Variants in VPS37B observed in about 807,000 individuals in gnomAD.
The protein encoded by VPS37B is VPS37B subunit of ESCRT-I.
Under a neutral mutation model 21.2 loss-of-function variants are expected in VPS37B, and 11 were observed. The observed-to-expected ratio is 0.52, with a 90% CI of 0.33 to 0.86. VPS37B has a LOEUF of 0.86. Ranked by LOEUF, VPS37B falls within the 40% of genes least tolerant of loss-of-function variation. VPS37B has a pLI of 0.03. For synonymous variants in VPS37B, 175 were observed against 159.6 expected (o/e 1.10, Z -0.73); for missense variants, 389 against 374.8 (o/e 1.04, Z -0.31).
chr12:122,885,668 A>G (rs903990828), intron 1 of VPS37B: 39 of 121,340 alleles, frequency 3.2e-4, no homozygotes, highest in African/African-American at 1.2e-3. Context: ...CATGTAAAAC[A>G]TTATTATTAT....
chr12:122,891,821 T>C (rs2034415852), intron 1 of VPS37B, among the ~76,000 whole-genome samples: 1 of 152,228 alleles, frequency 6.6e-6, no homozygotes, highest in Admixed American at 6.5e-5. Context: ...CGAACACGCC[T>C]TAGGGAAACA....
At chr12:122,874,736 G>A (rs1157980532) in intron 1 of VPS37B, 1 of 151,882 alleles carries the variant, frequency 6.6e-6, no homozygotes, top group African/African-American at 2.4e-5. Context: ...ATCACCTGAG[G>A]TTAGGAGTTC....
chr12:122,887,814 T>C (rs950377335), intron 1 of VPS37B: 3 of 152,258 alleles, frequency 2.0e-5, no homozygotes, highest in Non-Finnish European at 4.4e-5. Context: ...CTTCTTGACC[T>C]CAGTCATGTT....
chr12:122,868,754 C>T lies in VPS37B; in HGVS notation c.284-192G>A, dbSNP rs1305648824. Among the ~76,000 whole-genome samples the T allele has an allele frequency of 2.0e-5, 3 of 152,194 alleles. No homozygotes were observed. The highest frequency in any genetic ancestry group is 2.1e-4 in the South Asian group (1 of 4,832). On this transcript the variant is annotated intron_variant, in intron 2 of 3. Transcript: ENST00000267202. This position sits in a 1 kb window ranked among gnomAD's most constrained non-coding sequence, Gnocchi z 5.5. The stretch of plus-strand genomic sequence containing the variant: ...TCCCATGTCAGAGCAACCTGTGTCA[C>T]CAGCTGCTTCTAGAACCAGCTGTTT...
chr12:122,871,399 G>A (rs2135699474), intron 1 of VPS37B: 1 of 1,035,294 alleles, frequency 9.7e-7, no homozygotes, highest in Middle Eastern at 4.6e-4. Flanking sequence ...GTAAACAGCT[G>A]TAAAGATTTA....
chr12:122,871,037 C>A lies in VPS37B; in HGVS notation c.136G>T (p.Glu46Ter). Residue 46 changes from glutamate to a stop codon, truncating the protein, a stop_gained, in exon 2 of 4, where the codon GAA becomes TAA. Transcript: ENST00000267202. LOFTEE classifies it high-confidence loss of function. ...CTCCGGTTGCTGGCAAGTGTCATTT[C>A]TTTGTTAAGCTGAACATTCTGTGTC... ...EETQNVQLNK[E>*]MTLASNRSLA... 6.2e-7 allele frequency: 1 copy of A among 1,614,132 alleles called. No homozygotes were observed. Among genetic ancestry groups the A allele is most frequent in the Non-Finnish European group, 8.5e-7 (1 of 1,180,016 alleles).
chr12:122,884,755 T>G (rs780320596), intron 1 of VPS37B: 4 of 152,216 alleles, frequency 2.6e-5, no homozygotes, highest in Non-Finnish European at 4.4e-5. Context: ...ACCAAAGCAT[T>G]CATTTGTTTA....
chr12:122,875,820 A>G (rs2135703059), intron 1 of VPS37B: 1 of 150,364 alleles, frequency 6.7e-6, no homozygotes, highest in East Asian at 2.0e-4. Context: ...GAATGCTTAG[A>G]GAGGTATTTT....
chr12:122,867,057 G>T lies in VPS37B; in HGVS notation c.*59C>A. ...AGAGCGGACCTCCAGCCTCCTTCCCGTGAGCAGAGCACAACACGCCAGGTG... is the reference window on the plus strand; with the variant it reads ...AGAGCGGACCTCCAGCCTCCTTCCCTTGAGCAGAGCACAACACGCCAGGTG... On this transcript the variant is annotated 3_prime_UTR_variant, in exon 4 of 4. Transcript: ENST00000267202. The surrounding 1 kb of genome is among the most constrained non-coding windows in gnomAD (Gnocchi z 5.5). 2.1e-6 allele frequency: 3 copies of T among 1,459,086 alleles called. No individual in the cohort carries two copies. Among genetic ancestry groups the T allele is most frequent in the Non-Finnish European group, 2.7e-6 (3 of 1,106,392 alleles). 90.4% of individuals were successfully genotyped at this position (1,459,086 alleles called of 1,614,324 possible). A position where few individuals can be genotyped will look rare whatever the true frequency, so the allele number is the denominator to read the frequency against.
chr12:122,870,782 C>A, intron 2 of VPS37B, 108 bp downstream of exon 2: 8 of 1,227,480 alleles, frequency 6.5e-6, no homozygotes, highest in Non-Finnish European at 3.4e-6. Flanking sequence ...GAGTCGCTAT[C>A]TTAACCTGAA....
At chr12:122,873,595 C>T (rs2034081104) in intron 1 of VPS37B, 1 of 152,190 alleles carries the variant, frequency 6.6e-6, no homozygotes, top group African/African-American at 2.4e-5. Context: ...CTGAGTCAAG[C>T]ATAAATGGAG....
intron 1 of VPS37B, chr12:122,872,749 C>T (rs919540043): frequency 1.1e-6 from 1 of 947,196 alleles, no homozygotes; most frequent in Non-Finnish European, 1.3e-6. Flanking sequence ...TACGTAACTA[C>T]CCTATGACCC....
At chr12:122,876,933 G>A (rs1272591882) in intron 1 of VPS37B, 1 of 152,202 alleles carries the variant, frequency 6.6e-6, no homozygotes, top group Non-Finnish European at 1.5e-5. Context: ...TGGGTCAAGG[G>A]TGTAGGTTTC....
Position 122,867,426 on chromosome 12 carries a change from A to G in VPS37B, c.548T>C (p.Leu183Pro), listed in dbSNP as rs1593902600. Residue 183 changes from leucine (L) to proline (P), a missense_variant, in exon 4 of 4, where the codon CTG becomes CCG. Physicochemically the swap from Leu to Pro is moderately conservative, Grantham distance 98. Transcript: ENST00000267202. The surrounding 1 kb of genome is among the most constrained non-coding windows in gnomAD (Gnocchi z 5.5). ...GTAGGGAAGGGGGGCGGTAGGTGCC[A>G]GTTCGGGCAGCCTGGGGGGCAGCGG... ...LAPLPPRLPE[L>P]APTAPLPYPA... 6.4e-7 allele frequency: 1 copy of G among 1,555,062 alleles called. No individual in the cohort carries two copies. Among genetic ancestry groups the G allele is most frequent in the African/African-American group, 1.7e-5 (1 of 57,588 alleles).
intron 1 of VPS37B, chr12:122,887,368 A>C (rs2034344092): frequency 6.6e-6 from 1 of 152,198 alleles, no homozygotes; most frequent in African/African-American, 2.4e-5. Flanking sequence ...GCTCCTTAAC[A>C]GGGCATATGA....
chr12:122,882,933 GAAAC>G (rs1401275778), intron 1 of VPS37B: 1 of 152,226 alleles, frequency 6.6e-6, no homozygotes, highest in East Asian at 1.9e-4. Flanking sequence ...CAGTTTTACT[GAAAC>G]AAACTTAACA....
intron 1 of VPS37B, chr12:122,872,602 C>T (rs1593909851): frequency 2.0e-6 from 2 of 985,450 alleles, no homozygotes; most frequent in East Asian, 2.3e-4. Context: ...TCCCCACCCA[C>T]AGGGCGGCTC....
At position 122,867,999 on chromosome 12, in the gene VPS37B, G is replaced by GC. The variant is rs2033944111; in HGVS notation, c.367-393dup. Among the ~76,000 whole-genome samples the GC allele has an allele frequency of 6.6e-6, 1 of 152,188 alleles. No homozygotes were observed. The highest frequency in any genetic ancestry group is 1.5e-5 in the Non-Finnish European group (1 of 68,030). Reference sequence around the variant, plus strand: ...GGGTAAGCAAGACAGAAACACCTGTGCCCCCAGGGCTTCAGAGTTCATCGA... The same window carrying GC: ...GGGTAAGCAAGACAGAAACACCTGTGCCCCCCAGGGCTTCAGAGTTCATCGA... On this transcript the variant is annotated intron_variant, in intron 3 of 3. Transcript: ENST00000267202. The surrounding 1 kb of genome is among the most constrained non-coding windows in gnomAD (Gnocchi z 5.5).
intron 1 of VPS37B, among the ~76,000 whole-genome samples, chr12:122,893,650 A>G (rs1282126384): frequency 6.6e-6 from 1 of 152,140 alleles, no homozygotes; most frequent in African/African-American, 2.4e-5. Flanking sequence ...GATCCTCGCT[A>G]GGTGAGCTAA....
Sources: allele counts gnomAD v4.1 joint callset (sites outside exome capture counted in the v4.1 genomes callset), GRCh38; gene constraint gnomAD v4.1.1; non-coding constraint Gnocchi (gnomAD v3.1); transcripts MANE v1.5; gene names NCBI Gene and HGNC (gene_info 2026-07-23, HGNC 2026-07-21).